The following XKR4 variants were observed in gnomAD, a reference collection of about 807,000 sequenced individuals.
The protein encoded by XKR4 is XK related 4.
In XKR4, 12 loss-of-function variants were observed where a neutral mutation model predicts 53.9. The observed-to-expected ratio is 0.22, with a 90% CI of 0.14 to 0.36. XKR4 has a LOEUF of 0.36. Ranked by LOEUF, XKR4 falls within the 10% of genes least tolerant of loss-of-function variation. The probability of loss-of-function intolerance (pLI) is 1.00; values close to 1 mark genes in which losing one functional copy is unlikely to be tolerated. For missense variants in XKR4, 799 were observed against 859.5 expected, an observed-to-expected ratio of 0.93 and a Z score of 0.88; for synonymous variants, 354 against 362.4, an observed-to-expected ratio of 0.98 and a Z score of 0.26.
At chr8:55,148,411 AAT>A (rs11449735) in intron 1 of XKR4, among the ~76,000 whole-genome samples, 8 of 150,980 alleles carry the variant, frequency 5.3e-5, no homozygotes, top group African/African-American at 9.7e-5. Flanking sequence ...TCTAAAAAAA[AAT>A]ATATATATAT....
In XKR4 at chr8:55,275,122, C is replaced by T. The variant is rs958353341; in HGVS notation, c.807-82556C>T. Among the ~76,000 whole-genome samples the T allele has an allele frequency of 4.6e-5, 7 of 152,106 alleles. No homozygotes were observed. The South Asian group carries it at 8.3e-4, about 18-fold the overall frequency. On this transcript the variant is annotated intron_variant, in intron 1 of 2. Transcript: ENST00000327381. The stretch of plus-strand genomic sequence containing the variant: ...GTACAAAATATTTAGAAAGTAGATA[C>T]GGTATTTTTGTTCTAAAGAAAATAT...
intron 2 of XKR4, among the ~76,000 whole-genome samples, chr8:55,410,748 A>G (rs1365510123): frequency 6.6e-6 from 1 of 152,100 alleles, no homozygotes; most frequent in East Asian, 1.9e-4. Context: ...CCTGTAACAC[A>G]GGTGTCTCAT....
chr8:55,271,007 C>A (rs1329464187), intron 1 of XKR4, among the ~76,000 whole-genome samples: 1 of 152,206 alleles, frequency 6.6e-6, no homozygotes, highest in Non-Finnish European at 1.5e-5. Flanking sequence ...GGAGGCTGAG[C>A]ATGGGCTCTG....
intron 1 of XKR4, among the ~76,000 whole-genome samples, chr8:55,105,927 C>T (rs902928721): frequency 1.1e-4 from 16 of 152,138 alleles, no homozygotes; most frequent in African/African-American, 3.4e-4. Flanking sequence ...AATAAGCCGA[C>T]GAAGTGCAAC....
chr8:55,274,673 T>A (rs1010283145), intron 1 of XKR4, among the ~76,000 whole-genome samples: 1 of 152,204 alleles, frequency 6.6e-6, no homozygotes, highest in African/African-American at 2.4e-5. Context: ...CCTCAAGTGA[T>A]CTGCCTGCCT....
rs1343031008 is a variant in XKR4 at position 55,102,845 on chromosome 8, G to C, written c.357G>C (p.Val119=). ...ACTGCCTCTGGATCCTGGCCGCCGT[G>C]GCCGTGTACTTCGCGGACGTGGGCA... is the stretch of plus-strand genomic sequence containing the variant. ...LWDCLWILAA[V]AVYFADVGTD... The change falls in exon 1 of 3, where the codon GTG becomes GTC. Residue 119 remains valine (V), a synonymous_variant. Coordinates refer to ENST00000327381, the MANE Select transcript of XKR4 (RefSeq NM_052898.2). This position sits in a 1 kb window ranked among gnomAD's most constrained non-coding sequence, Gnocchi z 5.1. 6.2e-7 allele frequency: 1 copy of C among 1,611,436 alleles called. No homozygotes were observed.
At chr8:55,178,455 A>G (rs1162063269) in intron 1 of XKR4, among the ~76,000 whole-genome samples, 3 of 152,232 alleles carry the variant, frequency 2.0e-5, no homozygotes, top group Admixed American at 1.3e-4. Flanking sequence ...AACGTTCAGT[A>G]CAATGCCTAT....
intron 2 of XKR4, among the ~76,000 whole-genome samples, chr8:55,408,393 T>A (rs1160135362): frequency 6.6e-6 from 1 of 152,208 alleles, no homozygotes; most frequent in Non-Finnish European, 1.5e-5. Flanking sequence ...AAAAAAATGC[T>A]GGCTCAGAAG....
At chr8:55,450,504 T>C (rs1805421629) in intron 2 of XKR4, 2 of 638,522 alleles carry the variant, frequency 3.1e-6, no homozygotes, top group Non-Finnish European at 5.9e-6. Context: ...CCCAGCTCAA[T>C]GTGCTCATAG....
At chr8:55,109,245 C>T (rs575612853) in intron 1 of XKR4, among the ~76,000 whole-genome samples, 2 of 152,290 alleles carry the variant, frequency 1.3e-5, no homozygotes, top group Non-Finnish European at 2.9e-5. Context: ...GAGAGACTAA[C>T]TCTCATACAG....
chr8:55,321,844 C>T (rs975102768), intron 1 of XKR4, among the ~76,000 whole-genome samples: 1 of 152,106 alleles, frequency 6.6e-6, no homozygotes, highest in African/African-American at 2.4e-5. Flanking sequence ...CAAAAGTTAG[C>T]TGGGCGTGGT....
intron 2 of XKR4, among the ~76,000 whole-genome samples, chr8:55,463,685 G>A (rs1805702068): frequency 6.6e-6 from 1 of 152,048 alleles, no homozygotes; most frequent in Non-Finnish European, 1.5e-5. Context: ...ATGAATCCAG[G>A]AGCTGGTTTT....
chr8:55,102,443 GA>G lies in XKR4; in HGVS notation c.-43del, dbSNP rs1490098503. The G allele has an allele frequency of 2.6e-6, 4 of 1,523,742 alleles. No homozygotes were observed. Among genetic ancestry groups the G allele is most frequent in the Admixed American group, 1.9e-5 (1 of 52,736 alleles). The allele number at this position is 1,523,742 out of a possible 1,614,324, so 94.4% of individuals were successfully genotyped here. On this transcript the variant is annotated 5_prime_UTR_variant, in exon 1 of 3. Transcript: ENST00000327381. The surrounding 1 kb of genome is among the most constrained non-coding windows in gnomAD (Gnocchi z 5.1). ...GGTGGCGGGAGGAGGAGACAGCGGG[GA>G]AAGGTGTCAGATAAAGGAGGGCTCT...
chr8:55,531,442 G>A lies in XKR4; in HGVS notation c.*7215G>A, dbSNP rs1806951525. On this transcript the variant is annotated 3_prime_UTR_variant, in exon 3 of 3. Transcript: ENST00000327381. Reference sequence around the variant, plus strand: ...ACCAAAATGCCATTGTGTGGCATGTGAGCCTTACAATATACAATTAACATA... The same window carrying A: ...ACCAAAATGCCATTGTGTGGCATGTAAGCCTTACAATATACAATTAACATA... 6.6e-6 allele frequency: 1 copy of A among 151,938 alleles called. No homozygotes were observed. Among genetic ancestry groups the A allele is most frequent in the Non-Finnish European group, 1.5e-5 (1 of 68,004 alleles). The allele number at this position is 151,938 out of a possible 1,614,324, so 9.4% of individuals were successfully genotyped here.
At chr8:55,134,160 T>C (rs1180756127) in intron 1 of XKR4, among the ~76,000 whole-genome samples, 2 of 152,222 alleles carry the variant, frequency 1.3e-5, no homozygotes, top group Non-Finnish European at 2.9e-5. Flanking sequence ...TAATATTTGC[T>C]CCCAAATGGC....
chr8:55,259,366 C>T (rs1461774944), intron 1 of XKR4, among the ~76,000 whole-genome samples: 2 of 152,214 alleles, frequency 1.3e-5, no homozygotes, highest in African/African-American at 4.8e-5. Context: ...CATTAACAAA[C>T]ATGATAGGAA....
chr8:55,268,214 G>A (rs1441109634), intron 1 of XKR4, among the ~76,000 whole-genome samples: 3 of 152,186 alleles, frequency 2.0e-5, no homozygotes, highest in African/African-American at 7.2e-5. Flanking sequence ...AGGGTAACAA[G>A]ATTCTCTATG....
At chr8:55,310,268 T>C (rs937986751) in intron 1 of XKR4, among the ~76,000 whole-genome samples, 8 of 152,164 alleles carry the variant, frequency 5.3e-5, no homozygotes, top group African/African-American at 1.9e-4. Flanking sequence ...ATATGCATGG[T>C]CTTTGGTAGA....
At chr8:55,250,059 A>G (rs574724696) in intron 1 of XKR4, among the ~76,000 whole-genome samples, 2 of 152,326 alleles carry the variant, frequency 1.3e-5, no homozygotes, top group East Asian at 1.9e-4. Context: ...CTTATCCACT[A>G]AAATCTTAAT....
Sources: allele counts gnomAD v4.1 joint callset (sites outside exome capture counted in the v4.1 genomes callset), GRCh38; gene constraint gnomAD v4.1.1; non-coding constraint Gnocchi (gnomAD v3.1); transcripts MANE v1.5; gene names NCBI Gene and HGNC (gene_info 2026-07-23, HGNC 2026-07-21).